Variants in CD74 observed in about 807,000 individuals in gnomAD.
CD74 encodes HLA class II histocompatibility antigen gamma chain.
CD74 carries 20 observed loss-of-function variants against 37.1 expected under a neutral mutation model. The observed-to-expected ratio is 0.54, with a 90% confidence interval of 0.38 to 0.78. The LOEUF is 0.78. Among genes scored for constraint, CD74 ranks in the 30% least tolerant of loss-of-function variants. The pLI is 0.00. For missense variants in CD74, 338 were observed against 389.5 expected (o/e 0.87, Z 1.11); for synonymous variants, 150 against 152.0 (o/e 0.99, Z 0.10).
Position 150,403,277 on chromosome 5 carries a change from G to A in CD74, c.661C>T (p.Pro221Ser), listed in dbSNP as rs368342071. Residue 221 changes from proline to serine, a missense_variant, in exon 7 of 9, where the codon CCT becomes TCT. Transcript: ENST00000009530. This position sits in a 1 kb window ranked among gnomAD's most constrained non-coding sequence, Gnocchi z 4.5. The part of the protein sequence containing the change: ...TKCQEEVSHI[P>S]AVHPGSFRPK... ...CTGAATGAACCCGGGTGGACAGCAG[G>A]GATGTGGCTGACCTCTTCCTGGCAC... 535 of 1,613,988 alleles carry A rather than the reference G, an allele frequency of 3.3e-4. 3 individuals carry two copies. The South Asian group carries it at 5.5e-3, about 17-fold the overall frequency.
chr5:150,411,618 G>A (rs1402057628), intron 1 of CD74, among the ~76,000 whole-genome samples: 1 of 152,204 alleles, frequency 6.6e-6, no homozygotes, highest in Non-Finnish European at 1.5e-5. Flanking sequence ...AGGCTATTTT[G>A]GGGCTGGGAA....
chr5:150,405,214 G>C, intron 4 of CD74, 34 bp from the exon 5 acceptor site: 2 of 1,553,410 alleles, frequency 1.3e-6, no homozygotes, highest in East Asian at 2.3e-5. Context: ...GATGGTTCAA[G>C]AAGAGCTCCC....
chr5:150,406,145 C>T, intron 4 of CD74, 114 bp downstream of exon 4: 4 of 790,218 alleles, frequency 5.1e-6, no homozygotes, highest in Non-Finnish European at 9.0e-6. Context: ...TTCAGTAATC[C>T]AGAGAGCACA....
At chr5:150,405,243 G>A (rs1166684611) in intron 4 of CD74, 63 bp from the exon 5 acceptor site, 20 of 1,526,656 alleles carry the variant, frequency 1.3e-5, no homozygotes, top group Non-Finnish European at 1.7e-5. Context: ...AGTGTGAAAT[G>A]TGTAGCCCAC....
At chr5:150,411,699 C>T (rs1357951408) in intron 1 of CD74, among the ~76,000 whole-genome samples, 2 of 152,184 alleles carry the variant, frequency 1.3e-5, no homozygotes, top group South Asian at 2.1e-4. Flanking sequence ...CAGGCAAGGA[C>T]ATGACCCCCG....
At position 150,404,485 on chromosome 5, in the gene CD74, T is replaced by TTC. The variant is rs1769827987; in HGVS notation, c.625+194_625+195insGA. 7.1e-6 allele frequency: 4 copies of TTC among 564,766 alleles called. No homozygotes were observed. The African/African-American group carries it at 7.6e-5, about 11-fold the overall frequency. The allele number at this position is 564,766 out of a possible 1,614,324, so 35.0% of individuals were successfully genotyped here. On this transcript the variant is annotated intron_variant, in intron 6 of 8. Transcript: ENST00000009530. Reference sequence around the variant, plus strand: ...AACCCTTAGACAAGATGGGGGTGGGTCAGGGGAGGGGGACAGCCAAACCAA... The same window carrying TTC: ...AACCCTTAGACAAGATGGGGGTGGGTTCCAGGGGAGGGGGACAGCCAAACCAA...
At chr5:150,411,528 A>C (rs1377425507) in intron 1 of CD74, among the ~76,000 whole-genome samples, 1 of 152,134 alleles carries the variant, frequency 6.6e-6, no homozygotes, top group Non-Finnish European at 1.5e-5. Flanking sequence ...GTAGATCGCA[A>C]ATTACTTTTT....
rs898892453 is a variant in CD74 at position 150,403,013 on chromosome 5, C to G, written c.817+108G>C. On this transcript the variant is annotated intron_variant, in intron 7 of 8. Transcript: ENST00000009530. This position sits in a 1 kb window ranked among gnomAD's most constrained non-coding sequence, Gnocchi z 4.5. ...ATGACTACGTCACTGCCCCCAGGAG[C>G]TGCCATCCTGGGTGTCCTGGTCCCA... 4.3e-5 allele frequency: 38 copies of G among 887,220 alleles called. No homozygotes were observed. Among genetic ancestry groups the G allele is most frequent in the Admixed American group, 6.9e-5 (3 of 43,694 alleles). 55.0% of individuals were successfully genotyped at this position (887,220 alleles called of 1,614,324 possible).
chr5:150,406,725 T>TC (rs1213911201), intron 3 of CD74, 156 bp downstream of exon 3: 6 of 596,146 alleles, frequency 1.0e-5, no homozygotes, highest in Non-Finnish European at 1.8e-5. Flanking sequence ...CCTCCACACC[T>TC]GGGGAGCCCG....
intron 1 of CD74, among the ~76,000 whole-genome samples, chr5:150,408,809 G>A (rs1024700924): frequency 3.9e-5 from 6 of 152,174 alleles, no homozygotes; most frequent in African/African-American, 9.7e-5. Flanking sequence ...GGAGGTGATC[G>A]GGCCACAAGG....
In CD74 at chr5:150,405,109, G is replaced by A. The variant is rs1411395469; in HGVS notation, c.513C>T (p.Asn171=). Residue 171 remains asparagine (N), a synonymous_variant, in exon 5 of 9, where the codon AAC becomes AAT. Coordinates refer to ENST00000009530, the MANE Select transcript of CD74 (RefSeq NM_001025159.3). ...CCTTCCAGTCTATGGTCTCCATGGT[G>A]TTCTTAAGGTGTCTCAGGTTCTCCG... ...SFPENLRHLK[N]TMETIDWKVF... is the part of the protein sequence containing the mutation. 1 of 1,611,996 alleles carries A rather than the reference G, an allele frequency of 6.2e-7. No individual in the cohort carries two copies. The highest frequency in any genetic ancestry group is 8.5e-7 in the Non-Finnish European group (1 of 1,179,172).
rs1236494643 is a variant in CD74 at position 150,406,070 on chromosome 5, C to T, written c.441+189G>A. 6 of 540,680 alleles carry T rather than the reference C, an allele frequency of 1.1e-5. No homozygotes were observed. In the Admixed American group the frequency reaches 1.2e-4, roughly 10 times the overall value. 33.5% of individuals were successfully genotyped at this position (540,680 alleles called of 1,614,324 possible). On this transcript the variant is annotated intron_variant, in intron 4 of 8. Coordinates refer to ENST00000009530, the MANE Select transcript of CD74 (RefSeq NM_001025159.3). ...ACAGGCATGAGCCACTGCACCCAGCCGAGCCTGTTTATCTCAAAAATGCAG... is the reference window on the plus strand; with the variant it reads ...ACAGGCATGAGCCACTGCACCCAGCTGAGCCTGTTTATCTCAAAAATGCAG...
intron 4 of CD74, 37 bp downstream of exon 4, chr5:150,406,222 G>C: frequency 6.4e-7 from 1 of 1,566,402 alleles, no homozygotes; most frequent in Non-Finnish European, 8.8e-7. Context: ...GTCCTGGGTG[G>C]GCAGGCAGGA....
intron 1 of CD74, among the ~76,000 whole-genome samples, chr5:150,410,802 C>G (rs974232764): frequency 3.3e-5 from 5 of 152,090 alleles, no homozygotes; most frequent in African/African-American, 1.2e-4. Flanking sequence ...CTGGAATGGC[C>G]TAAGCACACA....
chr5:150,412,601 C>T, intron 1 of CD74, 24 bp downstream of exon 1: 1 of 1,547,986 alleles, frequency 6.5e-7, no homozygotes, highest in Non-Finnish European at 8.9e-7. Context: ...GATCGGTGTG[C>T]CCTTTCCTGG....
In CD74 at chr5:150,402,428, C is replaced by G; in HGVS notation, c.880+135G>C. On this transcript the variant is annotated intron_variant, in intron 8 of 8. Transcript: ENST00000009530. The surrounding 1 kb of genome is among the most constrained non-coding windows in gnomAD (Gnocchi z 4.2). ...TCCCCACAGCCCCCCAACCCTGTTC[C>G]TTCGTCTGTGAAATGGACATCCCAG... 1 of 940,876 alleles carries G rather than the reference C, an allele frequency of 1.1e-6. No homozygotes were observed. The highest frequency in any genetic ancestry group is 1.7e-6 in the Non-Finnish European group (1 of 573,368). The allele number at this position is 940,876 out of a possible 1,614,324, so 58.3% of individuals were successfully genotyped here.
rs757316729 is a variant in CD74, at chr5:150,402,515, C to T, written c.880+48G>A. 1 of 1,524,326 alleles carries T rather than the reference C, an allele frequency of 6.6e-7. No individual in the cohort carries two copies. Among genetic ancestry groups the T allele is most frequent in the Non-Finnish European group, 9.1e-7 (1 of 1,097,976 alleles). The allele number at this position is 1,524,326 out of a possible 1,614,324, so 94.4% of individuals were successfully genotyped here. ...CCTGCCCACAAAGGAGCTGGCCCTGCTGGGGATGAGCTGCTGGTGACCAGA... is the reference window on the plus strand; with the variant it reads ...CCTGCCCACAAAGGAGCTGGCCCTGTTGGGGATGAGCTGCTGGTGACCAGA... On this transcript the variant is annotated intron_variant, in intron 8 of 8. Coordinates refer to ENST00000009530, the MANE Select transcript of CD74 (RefSeq NM_001025159.3). This position sits in a 1 kb window ranked among gnomAD's most constrained non-coding sequence, Gnocchi z 4.2.
chr5:150,402,452 A>G lies in CD74; in HGVS notation c.880+111T>C, dbSNP rs1769689830. On this transcript the variant is annotated intron_variant, in intron 8 of 8. Transcript: ENST00000009530. The surrounding 1 kb of genome is among the most constrained non-coding windows in gnomAD (Gnocchi z 4.2). ...CCTTCGTCTGTGAAATGGACATCCC[A>G]GGAATGTTGGAGAGTGGCCCAGCGT... 3.9e-6 allele frequency: 4 copies of G among 1,020,076 alleles called. No individual in the cohort carries two copies. Among genetic ancestry groups the G allele is most frequent in the South Asian group, 3.8e-5 (3 of 78,114 alleles). The allele number at this position is 1,020,076 out of a possible 1,614,324, so 63.2% of individuals were successfully genotyped here.
At position 150,403,298 on chromosome 5, in the gene CD74, G is replaced by A. The variant is rs2151170294; in HGVS notation, c.640C>T (p.Gln214Ter). The change falls in exon 7 of 9, where the codon CAG becomes TAG. Residue 214 changes from glutamine (Q) to a stop codon, truncating the protein, a stop_gained. Coordinates refer to ENST00000009530, the MANE Select transcript of CD74 (RefSeq NM_001025159.3). LOFTEE classifies it high-confidence loss of function. The surrounding 1 kb of genome is among the most constrained non-coding windows in gnomAD (Gnocchi z 4.5). ...GCAGGGATGTGGCTGACCTCTTCCT[G>A]GCACTTGGTCAGTACTGAAGCGACA... is the stretch of plus-strand genomic sequence containing the variant. ...DAPPKVLTKC[Q>*]EEVSHIPAVH... 1 of 1,613,962 alleles carries A rather than the reference G, an allele frequency of 6.2e-7. No homozygotes were observed. Among genetic ancestry groups the A allele is most frequent in the East Asian group, 2.2e-5 (1 of 44,886 alleles).
Sources: gnomAD v4.1 joint callset for allele counts (sites outside exome capture counted in the v4.1 genomes callset) on GRCh38, gnomAD v4.1.1 for gene constraint, Gnocchi (gnomAD v3.1) non-coding constraint, MANE v1.5 for transcripts, NCBI Gene and HGNC (gene_info 2026-07-23, HGNC 2026-07-21) for gene names.